The following GPALPP1 variants were observed in gnomAD, a reference collection of about 807,000 sequenced individuals.
GPALPP1 encodes the protein GPALPP motifs containing 1.
In GPALPP1, 30 loss-of-function variants were observed where a neutral mutation model predicts 38.9. That is an observed-to-expected ratio of 0.77 (90% CI 0.58 to 1.05). The LOEUF (loss-of-function observed/expected upper bound fraction) is 1.05. GPALPP1 is among the 50% of genes least tolerant of loss of function. The pLI, the probability that GPALPP1 is intolerant of heterozygous loss-of-function variation, is 0.00. For synonymous variants in GPALPP1, 120 were observed against 139.2 expected, an observed-to-expected ratio of 0.86 and a Z score of 0.97; for missense variants, 384 against 408.8, an observed-to-expected ratio of 0.94 and a Z score of 0.52.
intron 4 of GPALPP1, among the ~76,000 whole-genome samples, chr13:45,010,187 C>A (rs1029736543): frequency 6.6e-6 from 1 of 152,184 alleles, no homozygotes; most frequent in Non-Finnish European, 1.5e-5. Context: ...TCAAATACAG[C>A]AGGCCACTTC....
At chr13:44,999,996 A>G (rs1050086486) in intron 1 of GPALPP1, among the ~76,000 whole-genome samples, 2 of 152,130 alleles carry the variant, frequency 1.3e-5, no homozygotes, top group African/African-American at 2.4e-5. Context: ...TTACTTTTTT[A>G]TACTATTTTT....
intron 3 of GPALPP1, among the ~76,000 whole-genome samples, chr13:45,007,764 A>T (rs1209923231): frequency 6.6e-6 from 1 of 152,248 alleles, no homozygotes; most frequent in Non-Finnish European, 1.5e-5. Context: ...ATTTTAGCTT[A>T]GGACTTCAGT....
At chr13:45,016,315 G>A (rs545642538) in intron 6 of GPALPP1, among the ~76,000 whole-genome samples, 97 of 152,114 alleles carry the variant, frequency 6.4e-4, no homozygotes, top group Middle Eastern at 3.4e-3. Context: ...TTAGCCAGGC[G>A]CGGTGGCATG....
At chr13:44,998,151 A>G (rs1210464601) in intron 1 of GPALPP1, among the ~76,000 whole-genome samples, 1 of 152,220 alleles carries the variant, frequency 6.6e-6, no homozygotes, top group Non-Finnish European at 1.5e-5. Context: ...TCTAAAAACT[A>G]TCCTAAATCC....
intron 7 of GPALPP1, among the ~76,000 whole-genome samples, chr13:45,025,062 A>G (rs538989389): frequency 3.3e-5 from 5 of 152,280 alleles, no homozygotes; most frequent in African/African-American, 1.2e-4. Flanking sequence ...GGTACACTGA[A>G]ACTTCAGACT....
intron 1 of GPALPP1, among the ~76,000 whole-genome samples, chr13:44,995,195 CACACACA>C (rs1873168494): frequency 2.8e-5 from 1 of 36,180 alleles, no homozygotes; most frequent in Non-Finnish European, 1.2e-4. Context: ...CACACACACA[CACACACA>C]CCCCTTCTCT....
chr13:45,007,852 A>C (rs546802408), intron 3 of GPALPP1, among the ~76,000 whole-genome samples: 2 of 152,342 alleles, frequency 1.3e-5, no homozygotes, highest in East Asian at 3.9e-4. Flanking sequence ...GAAGAATCTT[A>C]AAAGTGTGAA....
intron 7 of GPALPP1, among the ~76,000 whole-genome samples, chr13:45,027,075 C>T (rs1346290349): frequency 6.6e-6 from 1 of 152,044 alleles, no homozygotes. Flanking sequence ...TCTGTAGCAC[C>T]CAGGGATACG....
At chr13:44,994,860 A>AT (rs922551563) in intron 1 of GPALPP1, among the ~76,000 whole-genome samples, 25 of 149,036 alleles carry the variant, frequency 1.7e-4, no homozygotes, top group Non-Finnish European at 2.2e-4. Flanking sequence ...AGAGCATTTT[A>AT]TTTTTTTTTT....
intron 1 of GPALPP1, among the ~76,000 whole-genome samples, chr13:45,003,380 A>C (rs769112117): frequency 3.3e-5 from 5 of 152,222 alleles, no homozygotes; most frequent in Admixed American, 2.6e-4. Flanking sequence ...TACTATTACT[A>C]TAATATTGAA....
In GPALPP1 at chr13:45,004,170, A is replaced by G. The variant is rs1329873813; in HGVS notation, c.89-135A>G. ...AAAACCACTGTACACAAACAACAGC[A>G]ATTGAGATTAAAGTGAATAATAAAT... is the stretch of plus-strand genomic sequence containing the variant. On this transcript the variant is annotated intron_variant, in intron 1 of 7. Coordinates refer to ENST00000379151, the MANE Select transcript of GPALPP1 (RefSeq NM_018559.5). The G allele has an allele frequency of 4.4e-6, 3 of 686,452 alleles. No individual in the cohort carries two copies. The South Asian group carries it at 6.0e-5, about 14-fold the overall frequency. 42.5% of individuals were successfully genotyped at this position (686,452 alleles called of 1,614,324 possible). A position where few individuals can be genotyped will look rare whatever the true frequency, so the allele number is the denominator to read the frequency against.
intron 4 of GPALPP1, among the ~76,000 whole-genome samples, chr13:45,010,407 A>G (rs1350369350): frequency 2.0e-5 from 3 of 152,226 alleles, no homozygotes; most frequent in South Asian, 2.1e-4. Context: ...CGAAGATACT[A>G]TTAATTTTAC....
intron 7 of GPALPP1, 80 bp from the exon 8 acceptor site, chr13:45,027,705 T>C (rs1206290931): frequency 1.6e-6 from 1 of 631,704 alleles, no homozygotes; most frequent in Middle Eastern, 4.4e-4. Flanking sequence ...CATTACTATC[T>C]ATTCCGTTTC....
intron 4 of GPALPP1, 88 bp downstream of exon 4, chr13:45,008,967 T>G: frequency 1.3e-6 from 1 of 767,782 alleles, no homozygotes. Flanking sequence ...ACTTTATGCA[T>G]GCAGTTACTA....
chr13:44,989,844 G>T, intron 1 of GPALPP1, 102 bp downstream of exon 1: 2 of 863,590 alleles, frequency 2.3e-6, no homozygotes, highest in East Asian at 5.1e-5. Context: ...GCGGAGGAGT[G>T]GGGAGTGGGC....
chr13:45,019,633 C>T (rs1266619540), intron 6 of GPALPP1, among the ~76,000 whole-genome samples: 6 of 147,054 alleles, frequency 4.1e-5, no homozygotes, highest in African/African-American at 1.5e-4. Context: ...AAAATGTACA[C>T]CTTTTATTTC....
rs1419526057 is a variant in GPALPP1 at position 45,029,148 on chromosome 13, C to T, written c.*1145C>T. On this transcript the variant is annotated 3_prime_UTR_variant, in exon 8 of 8. Coordinates refer to ENST00000379151, the MANE Select transcript of GPALPP1 (RefSeq NM_018559.5). ...TTTATGATTTTTAATTGTATTAAACCTATATCAATATTCAAATGTGATTTT... is the reference window on the plus strand; with the variant it reads ...TTTATGATTTTTAATTGTATTAAACTTATATCAATATTCAAATGTGATTTT... 1.3e-5 allele frequency: 2 copies of T among 152,046 alleles called. No homozygotes were observed. Among genetic ancestry groups the T allele is most frequent in the African/African-American group, 4.8e-5 (2 of 41,416 alleles). 9.4% of individuals were successfully genotyped at this position (152,046 alleles called of 1,614,324 possible). A position where few individuals can be genotyped will look rare whatever the true frequency, so the allele number is the denominator to read the frequency against.
downstream of GPALPP1, chr13:45,034,122 C>A (rs895013910): frequency 2.0e-5 from 3 of 152,192 alleles, no homozygotes; most frequent in Non-Finnish European, 4.4e-5. Flanking sequence ...TCTGGAGGAA[C>A]TTATATGTTT....
chr13:45,035,313 G>A (rs570978137), exon 8 of GPALPP1: 41 of 152,322 alleles, frequency 2.7e-4, no homozygotes, highest in African/African-American at 8.9e-4. Context: ...TTGGCCAGAT[G>A]GTTCTTACAC....
Sources: gnomAD v4.1 joint callset for allele counts (sites outside exome capture counted in the v4.1 genomes callset) on GRCh38, gnomAD v4.1.1 for gene constraint, MANE v1.5 for transcripts, NCBI Gene and HGNC (gene_info 2026-07-23, HGNC 2026-07-21) for gene names.